The following CSMD1 variants were observed in gnomAD, a reference collection of about 807,000 sequenced individuals.
The protein encoded by CSMD1 is CUB and sushi domain-containing protein 1.
CSMD1 carries 213 observed loss-of-function variants against 417.5 expected under a neutral mutation model. The ratio of observed to expected loss-of-function variants is 0.51; its 90% CI spans 0.46 to 0.57. The LOEUF is 0.57. CSMD1 is among the 20% of genes least tolerant of loss of function. CSMD1 has a pLI of 0.00. For missense variants in CSMD1, 6,923 were observed against 4,529.7 expected (o/e 1.53, Z -15.17); for synonymous variants, 2,862 against 1,736.8 (o/e 1.65, Z -16.11).
chr8:3,718,910 G>A (rs919923162), intron 6 of CSMD1, among the ~76,000 whole-genome samples: 1 of 152,060 alleles, frequency 6.6e-6, no homozygotes, highest in African/African-American at 2.4e-5. Context: ...TACACCACCG[G>A]AGCCAATTTA....
intron 1 of CSMD1, among the ~76,000 whole-genome samples, chr8:4,744,422 A>C (rs1810819585): frequency 6.6e-6 from 1 of 152,214 alleles, no homozygotes; most frequent in African/African-American, 2.4e-5. Context: ...CGCAGGACAC[A>C]GCTTCCCAAT....
At chr8:4,341,042 A>T (rs1005475693) in intron 3 of CSMD1, among the ~76,000 whole-genome samples, 4 of 152,080 alleles carry the variant, frequency 2.6e-5, no homozygotes, top group African/African-American at 9.7e-5. Flanking sequence ...TTTAGAATCT[A>T]TACTCTAAAT....
intron 12 of CSMD1, among the ~76,000 whole-genome samples, chr8:3,446,352 G>A (rs1815307936): frequency 6.6e-6 from 1 of 152,192 alleles, no homozygotes; most frequent in Non-Finnish European, 1.5e-5. Context: ...TACATAGACT[G>A]TTTGCAAAAT....
intron 6 of CSMD1, among the ~76,000 whole-genome samples, chr8:3,738,863 T>C (rs984824406): frequency 6.6e-6 from 1 of 152,200 alleles, no homozygotes; most frequent in Non-Finnish European, 1.5e-5. Flanking sequence ...ATGTTACTTA[T>C]TAGGGCATTC....
At chr8:3,505,617 A>G (rs1241615928) in intron 10 of CSMD1, among the ~76,000 whole-genome samples, 1 of 152,182 alleles carries the variant, frequency 6.6e-6, no homozygotes, top group African/African-American at 2.4e-5. Flanking sequence ...GAACAAGCAG[A>G]TTATATTTGA....
rs1563390091 is a variant in CSMD1, at chr8:3,439,142, AAAAAAAAAAAC to A, written c.1562-29548_1562-29538del. On this transcript the variant is annotated intron_variant, in intron 12 of 69. Coordinates refer to ENST00000635120, the MANE Select transcript of CSMD1 (RefSeq NM_033225.6). The stretch of plus-strand genomic sequence containing the variant: ...CATCTCAAAAAAAAAAAAAAAAAAA[AAAAAAAAAAAC>A]CAAGAAAAAAAAAAGAAAAAGAAAA... 4.6e-5 allele frequency among the ~76,000 whole-genome samples: 6 copies of A among 130,388 alleles called. 1 individual carries two copies. Among genetic ancestry groups the A allele is most frequent in the African/African-American group, 1.6e-4 (5 of 31,080 alleles). The allele number at this position is 130,388 out of a possible 152,430, so 85.5% of individuals were successfully genotyped here. A position where few individuals can be genotyped will look rare whatever the true frequency, so the allele number is the denominator to read the frequency against.
intron 1 of CSMD1, among the ~76,000 whole-genome samples, chr8:4,799,667 G>A (rs964227871): frequency 6.9e-6 from 1 of 144,148 alleles, no homozygotes; most frequent in African/African-American, 2.5e-5. Context: ...TGAAAAATTG[G>A]GACTTTATTT....
chr8:3,646,534 G>A (rs1416825584), intron 7 of CSMD1, among the ~76,000 whole-genome samples: 1 of 152,094 alleles, frequency 6.6e-6, no homozygotes, highest in Admixed American at 6.6e-5. Context: ...CATTCCAAGG[G>A]AAAGGACCAT....
At chr8:4,450,180 G>A (rs371307887) in intron 2 of CSMD1, among the ~76,000 whole-genome samples, 9 of 152,120 alleles carry the variant, frequency 5.9e-5, no homozygotes, top group Non-Finnish European at 1.2e-4. Context: ...GAGTAAAACC[G>A]AACTGGGCAA....
chr8:4,730,581 A>G (rs1359009576), intron 1 of CSMD1, among the ~76,000 whole-genome samples: 1 of 152,026 alleles, frequency 6.6e-6, no homozygotes, highest in Non-Finnish European at 1.5e-5. Flanking sequence ...TCTACTAAAA[A>G]TACAAAAAAA....
At chr8:4,062,022 G>C (rs1046614532) in intron 3 of CSMD1, among the ~76,000 whole-genome samples, 1 of 152,264 alleles carries the variant, frequency 6.6e-6, no homozygotes, top group South Asian at 2.1e-4. Context: ...GTGGGGAGGA[G>C]AGCACGCAGG....
chr8:3,702,676 A>C (rs1800936157), intron 7 of CSMD1, among the ~76,000 whole-genome samples: 1 of 152,156 alleles, frequency 6.6e-6, no homozygotes, highest in Non-Finnish European at 1.5e-5. Flanking sequence ...ACTAAAAAAT[A>C]GAAAAATTAG....
chr8:3,307,279 C>A (rs918321217), intron 25 of CSMD1, among the ~76,000 whole-genome samples: 1 of 151,606 alleles, frequency 6.6e-6, no homozygotes, highest in Admixed American at 6.6e-5. Context: ...GGAACAGAAG[C>A]CTGGTGTGCA....
intron 31 of CSMD1, among the ~76,000 whole-genome samples, chr8:3,203,719 G>A (rs904892112): frequency 6.6e-6 from 1 of 152,170 alleles, no homozygotes; most frequent in African/African-American, 2.4e-5. Context: ...AGTGACTAAG[G>A]ATGTTTATCA....
intron 10 of CSMD1, among the ~76,000 whole-genome samples, chr8:3,554,072 C>T (rs886531608): frequency 6.6e-6 from 1 of 152,058 alleles, no homozygotes; most frequent in Non-Finnish European, 1.5e-5. Flanking sequence ...TGTGTGTGCT[C>T]GTAGCTTATA....
intron 5 of CSMD1, among the ~76,000 whole-genome samples, chr8:3,870,024 A>C (rs1805371921): frequency 6.6e-6 from 1 of 152,120 alleles, no homozygotes; most frequent in South Asian, 2.1e-4. Context: ...TACATTAAAC[A>C]AAAAGTAGGC....
intron 7 of CSMD1, among the ~76,000 whole-genome samples, chr8:3,700,172 A>G (rs760180418): frequency 6.6e-6 from 1 of 152,180 alleles, no homozygotes; most frequent in Non-Finnish European, 1.5e-5. Context: ...TGCTCAGGTA[A>G]TGGGTGCACC....
intron 1 of CSMD1, among the ~76,000 whole-genome samples, chr8:4,835,289 G>A (rs1335846797): frequency 6.6e-6 from 1 of 152,100 alleles, no homozygotes; most frequent in African/African-American, 2.4e-5. Context: ...AAACATCGTC[G>A]GAGATTACGT....
intron 26 of CSMD1, among the ~76,000 whole-genome samples, chr8:3,280,652 A>G (rs1040653305): frequency 2.6e-5 from 4 of 152,212 alleles, no homozygotes; most frequent in Admixed American, 1.3e-4. Flanking sequence ...TCAACATTCA[A>G]TCATTTTTTA....
Sources: gnomAD v4.1 joint callset for allele counts (sites outside exome capture counted in the v4.1 genomes callset) on GRCh38, gnomAD v4.1.1 for gene constraint, MANE v1.5 for transcripts, NCBI Gene and HGNC (gene_info 2026-07-23, HGNC 2026-07-21) for gene names.